The following SIDT1 variants were observed in gnomAD, a reference collection of about 807,000 sequenced individuals.
The protein encoded by SIDT1 is SID1 transmembrane family, member 1.
A neutral mutation model predicts 107.5 loss-of-function variants in SIDT1; 101 were observed. The ratio of observed to expected loss-of-function variants is 0.94; its 90% CI spans 0.80 to 1.11. The LOEUF is 1.11. SIDT1 is among the 50% of genes least tolerant of loss of function. The pLI, the probability that SIDT1 is intolerant of heterozygous loss-of-function variation, is 0.00. For synonymous variants in SIDT1, 395 were observed against 398.2 expected (o/e 0.99, Z 0.10); for missense variants, 1,076 against 1,058.2 (o/e 1.02, Z -0.23).
downstream of SIDT1, among the ~76,000 whole-genome samples, chr3:113,633,854 G>A (rs146008440): frequency 2.7e-4 from 41 of 152,262 alleles, no homozygotes; most frequent in East Asian, 7.7e-3. Flanking sequence ...CAAAAAGAAA[G>A]CAAGCCTTGG....
At chr3:113,565,725 G>A (rs904573542) in intron 1 of SIDT1, among the ~76,000 whole-genome samples, 1 of 152,192 alleles carries the variant, frequency 6.6e-6, no homozygotes, top group African/African-American at 2.4e-5. Context: ...TAGAGCAAGG[G>A]AAAGAGAAGA....
rs147672202 is a variant in SIDT1, at chr3:113,601,291, T to C, written c.1046-297T>C. 55 of 244,662 alleles carry C rather than the reference T, an allele frequency of 2.2e-4. No homozygotes were observed. The East Asian group carries it at 4.4e-3, about 20-fold the overall frequency. The allele number at this position is 244,662 out of a possible 1,614,324, so 15.2% of individuals were successfully genotyped here. On this transcript the variant is annotated intron_variant, in intron 10 of 24. Transcript: ENST00000264852. The stretch of plus-strand genomic sequence containing the variant: ...GCTGTGTTTCAGTAGAACTTATACA[T>C]AAATACTGAAATTTGAATTTCGTAT...
At chr3:113,598,505 T>C (rs1944732681) in intron 10 of SIDT1, among the ~76,000 whole-genome samples, 1 of 152,202 alleles carries the variant, frequency 6.6e-6, no homozygotes, top group South Asian at 2.1e-4. Flanking sequence ...ATGCACTATG[T>C]GCACGTAACA....
At chr3:113,609,410 A>G (rs1945581143) in intron 17 of SIDT1, among the ~76,000 whole-genome samples, 1 of 152,172 alleles carries the variant, frequency 6.6e-6, no homozygotes, top group African/African-American at 2.4e-5. Flanking sequence ...TGGTTAGCTC[A>G]GACCCAGGTT....
chr3:113,566,306 A>G lies in SIDT1; in HGVS notation c.223-114A>G, dbSNP rs1941897943. ...AAATTAAAGTGTTTCTGAGCCTCAC[A>G]TGGCAACTATGGTGTGTGTGTTTGT... is the stretch of plus-strand genomic sequence containing the variant. On this transcript the variant is annotated intron_variant, in intron 1 of 24. Transcript: ENST00000264852. 2.8e-6 allele frequency: 3 copies of G among 1,062,100 alleles called. No homozygotes were observed. The East Asian group carries it at 7.7e-5, about 27-fold the overall frequency. 65.8% of individuals were successfully genotyped at this position (1,062,100 alleles called of 1,614,324 possible).
Position 113,593,059 on chromosome 3 carries a change from T to C in SIDT1, c.1045+11T>C, listed in dbSNP as rs757725741. The C allele has an allele frequency of 1.2e-6, 2 of 1,610,560 alleles. No individual in the cohort carries two copies. Among genetic ancestry groups the C allele is most frequent in the South Asian group, 2.2e-5 (2 of 91,006 alleles). ...TTGGGTCCAATGATGGTAAGAGCAA[T>C]GCTTGGTTTCAATTCAAAATGGTGT... On this transcript the variant is annotated intron_variant, in intron 10 of 24. Coordinates refer to ENST00000264852, the MANE Select transcript of SIDT1 (RefSeq NM_017699.3).
intron 2 of SIDT1, among the ~76,000 whole-genome samples, chr3:113,566,898 C>T (rs1016098599): frequency 1.3e-5 from 2 of 152,134 alleles, no homozygotes; most frequent in South Asian, 4.1e-4. Flanking sequence ...AAATGCCCAT[C>T]GTGTGTTTGC....
chr3:113,569,917 T>C (rs1011863437), intron 3 of SIDT1, among the ~76,000 whole-genome samples: 3 of 152,156 alleles, frequency 2.0e-5, no homozygotes, highest in Admixed American at 6.5e-5. Context: ...ATTTAATATA[T>C]ATTTTTTGAG....
At position 113,608,551 on chromosome 3, in the gene SIDT1, T is replaced by C. The variant is rs561640274; in HGVS notation, c.1720+15T>C. 2.6e-6 allele frequency: 4 copies of C among 1,511,326 alleles called. No homozygotes were observed. The South Asian group carries it at 3.4e-5, about 13-fold the overall frequency. 93.6% of individuals were successfully genotyped at this position (1,511,326 alleles called of 1,614,324 possible). On this transcript the variant is annotated intron_variant, in intron 17 of 24. Coordinates refer to ENST00000264852, the MANE Select transcript of SIDT1 (RefSeq NM_017699.3). ...CTTCCAATTCGGTAATTAGAACTTATATCTACTATACAGATTTGAATCGTC... is the reference window on the plus strand; with the variant it reads ...CTTCCAATTCGGTAATTAGAACTTACATCTACTATACAGATTTGAATCGTC...
chr3:113,580,794 A>C, intron 5 of SIDT1, 85 bp downstream of exon 5: 1 of 872,740 alleles, frequency 1.1e-6, no homozygotes, highest in Non-Finnish European at 1.9e-6. Context: ...GAAGCATGCC[A>C]TCCTCTTACT....
At chr3:113,612,608 A>C (rs1008610799) in intron 19 of SIDT1, among the ~76,000 whole-genome samples, 3 of 152,200 alleles carry the variant, frequency 2.0e-5, no homozygotes, top group Admixed American at 2.0e-4. Context: ...GTCAAGAATG[A>C]ATTATATATT....
In SIDT1 at chr3:113,609,572, G is replaced by A. The variant is rs151191671; in HGVS notation, c.1720+1036G>A. 5.4e-3 allele frequency among the ~76,000 whole-genome samples: 823 copies of A among 152,286 alleles called. 11 individuals are homozygous for A. Among genetic ancestry groups the A allele is most frequent in the Admixed American group, 0.032 (489 of 15,292 alleles). The stretch of plus-strand genomic sequence containing the variant: ...CGGGTAGACATTGAGTTAATATTGA[G>A]ATGTTATTAAGAAGGAAGAAAGGAA... On this transcript the variant is annotated intron_variant, in intron 17 of 24. Coordinates refer to ENST00000264852, the MANE Select transcript of SIDT1 (RefSeq NM_017699.3).
intron 20 of SIDT1, among the ~76,000 whole-genome samples, chr3:113,617,680 C>T (rs1946198542): frequency 6.6e-6 from 1 of 152,216 alleles, no homozygotes; most frequent in Non-Finnish European, 1.5e-5. Context: ...GCAAGTTCTC[C>T]TGCTTACCTG....
chr3:113,572,996 C>CCTTTT (rs779118899), intron 3 of SIDT1, among the ~76,000 whole-genome samples: 1 of 145,574 alleles, frequency 6.9e-6, no homozygotes. Context: ...ATTTACATTC[C>CCTTTT]TTTTTTTTTT....
chr3:113,544,098 G>T (rs1939268070), intron 1 of SIDT1, among the ~76,000 whole-genome samples: 1 of 150,628 alleles, frequency 6.6e-6, no homozygotes, highest in Admixed American at 6.6e-5. Context: ...GTTTTGTTTT[G>T]TTTTTTTAAT....
At position 113,533,104 on chromosome 3, in the gene SIDT1, C is replaced by A; in HGVS notation, c.83C>A (p.Ser28Tyr). The change falls in exon 1 of 25, where the codon TCC (serine) becomes TAC (tyrosine). Residue 28 changes from serine to tyrosine, a missense_variant. Ser to Tyr is a moderately radical substitution (Grantham distance 144). Coordinates refer to ENST00000264852, the MANE Select transcript of SIDT1 (RefSeq NM_017699.3). Reference protein sequence around the residue: ...LAASPGHPAKSPRQPPAPRRD... With the variant: ...LAASPGHPAKYPRQPPAPRRD... ...GCGTCGCCCGGGCACCCGGCGAAAT[C>A]CCCCAGGCAGCCCCCGGCACCGCGC... The A allele has an allele frequency of 6.5e-7, 1 of 1,535,358 alleles. No individual in the cohort carries two copies. Among genetic ancestry groups the A allele is most frequent in the Admixed American group, 2.0e-5 (1 of 48,834 alleles).
At chr3:113,590,114 A>T (rs1410179243) in intron 9 of SIDT1, 1 of 152,226 alleles carries the variant, frequency 6.6e-6, no homozygotes, top group Non-Finnish European at 1.5e-5. Flanking sequence ...TTGGCAGGGA[A>T]GTCCTCTCAT....
intron 1 of SIDT1, among the ~76,000 whole-genome samples, chr3:113,563,713 T>C (rs972027851): frequency 2.6e-5 from 4 of 151,974 alleles, no homozygotes; most frequent in African/African-American, 7.3e-5. Context: ...CCAAATACAA[T>C]GTATGGGTCT....
At chr3:113,539,808 G>C (rs1287179259) in intron 1 of SIDT1, among the ~76,000 whole-genome samples, 1 of 152,090 alleles carries the variant, frequency 6.6e-6, no homozygotes, top group African/African-American at 2.4e-5. Context: ...TTCGAGACCA[G>C]CCTGGCCAAA....
Sources: allele counts gnomAD v4.1 joint callset (sites outside exome capture counted in the v4.1 genomes callset), GRCh38; gene constraint gnomAD v4.1.1; transcripts MANE v1.5; gene names NCBI Gene and HGNC (gene_info 2026-07-23, HGNC 2026-07-21).